Variants in GPC5 observed in about 807,000 individuals in gnomAD.
GPC5 encodes glypican-5.
GPC5 carries 47 observed loss-of-function variants against 53.9 expected under a neutral mutation model. That is an observed-to-expected ratio of 0.87 (90% CI 0.69 to 1.11). The LOEUF is 1.11. GPC5 is among the 50% of genes most tolerant of loss of function. The pLI, the probability that GPC5 is intolerant of heterozygous loss-of-function variation, is 0.00. For missense variants in GPC5, 748 were observed against 713.1 expected (o/e 1.05, Z -0.56); for synonymous variants, 286 against 263.3 (o/e 1.09, Z -0.84).
intron 6 of GPC5, among the ~76,000 whole-genome samples, chr13:92,120,246 A>C (rs9301779): frequency 0.52 from 79,257 of 151,998 alleles, 21,834 homozygotes; most frequent in African/African-American, 0.7. Context: ...TCTTCCTTTG[A>C]AGAAGTGCCT....
At chr13:91,411,701 T>C (rs9589219) in intron 1 of GPC5, among the ~76,000 whole-genome samples, 12,155 of 152,248 alleles carry the variant, frequency 0.08, 1,128 homozygotes, top group African/African-American at 0.23. Context: ...TCACCTCGGT[T>C]ATTAGCTAGG....
At chr13:92,121,355 C>G (rs752415330) in intron 6 of GPC5, among the ~76,000 whole-genome samples, 24 of 152,188 alleles carry the variant, frequency 1.6e-4, no homozygotes, top group Non-Finnish European at 3.1e-4. Context: ...GATGCTGTAA[C>G]TCACTTCTGC....
chr13:92,500,541 A>G (rs925702259), intron 7 of GPC5, among the ~76,000 whole-genome samples: 1 of 152,192 alleles, frequency 6.6e-6, no homozygotes, highest in Non-Finnish European at 1.5e-5. Flanking sequence ...TAGCTCAAAG[A>G]GGATTAGGCT....
intron 7 of GPC5, among the ~76,000 whole-genome samples, chr13:92,707,746 T>C (rs1887999513): frequency 6.6e-6 from 1 of 151,814 alleles, no homozygotes; most frequent in Non-Finnish European, 1.5e-5. Flanking sequence ...TCCTACAAAA[T>C]ATACAGTATA....
At chr13:91,655,607 A>G (rs760325086) in intron 2 of GPC5, among the ~76,000 whole-genome samples, 68 of 152,068 alleles carry the variant, frequency 4.5e-4, no homozygotes, top group Non-Finnish European at 1.8e-4. Flanking sequence ...TAGACTTTAT[A>G]ATGTGTACTC....
chr13:92,461,692 T>A (rs1407320591), intron 7 of GPC5, among the ~76,000 whole-genome samples: 1 of 152,186 alleles, frequency 6.6e-6, no homozygotes, highest in Non-Finnish European at 1.5e-5. Flanking sequence ...AGAGCTTGCC[T>A]CCTTTCTCTG....
chr13:92,770,986 G>A (rs1875591629), intron 7 of GPC5, among the ~76,000 whole-genome samples: 1 of 152,050 alleles, frequency 6.6e-6, no homozygotes, highest in African/African-American at 2.4e-5. Context: ...CCACTGACAC[G>A]AGGATATGGG....
At chr13:92,415,968 CATG>C (rs1184813049) in intron 7 of GPC5, among the ~76,000 whole-genome samples, 1 of 152,048 alleles carries the variant, frequency 6.6e-6, no homozygotes, top group Non-Finnish European at 1.5e-5. Context: ...CAGATGAAGA[CATG>C]AAGAAAACAA....
intron 1 of GPC5, among the ~76,000 whole-genome samples, chr13:91,436,362 G>A (rs935321374): frequency 1.3e-5 from 2 of 151,650 alleles, no homozygotes; most frequent in African/African-American, 4.8e-5. Context: ...CTTTGAATGT[G>A]TCCCAGAGAT....
intron 6 of GPC5, among the ~76,000 whole-genome samples, chr13:92,139,534 G>T (rs1473909072): frequency 6.6e-6 from 1 of 152,044 alleles, no homozygotes; most frequent in African/African-American, 2.4e-5. Context: ...AGACATGGTG[G>T]CATGCGCCTG....
intron 6 of GPC5, among the ~76,000 whole-genome samples, chr13:92,053,951 G>A (rs1206966864): frequency 6.6e-6 from 1 of 151,842 alleles, no homozygotes; most frequent in Non-Finnish European, 1.5e-5. Flanking sequence ...AGAATCACTT[G>A]AACCCGGGAG....
chr13:92,343,998 T>C (rs866902448), intron 7 of GPC5, among the ~76,000 whole-genome samples: 17 of 152,224 alleles, frequency 1.1e-4, no homozygotes, highest in Non-Finnish European at 1.8e-4. Context: ...TAATTTTTAA[T>C]TGTTGTTTTC....
intron 7 of GPC5, among the ~76,000 whole-genome samples, chr13:92,188,841 G>A (rs1026882183): frequency 1.3e-5 from 2 of 152,150 alleles, no homozygotes; most frequent in Non-Finnish European, 2.9e-5. Context: ...CATGCCACCC[G>A]ACAGCAGGTG....
intron 7 of GPC5, among the ~76,000 whole-genome samples, chr13:92,274,735 C>T (rs2042863550): frequency 6.6e-6 from 1 of 152,224 alleles, no homozygotes; most frequent in Admixed American, 6.5e-5. Flanking sequence ...CTTGCTTCAT[C>T]AAAGCGTATG....
chr13:91,477,035 C>T (rs1882970215), intron 2 of GPC5, among the ~76,000 whole-genome samples: 1 of 152,100 alleles, frequency 6.6e-6, no homozygotes, highest in Non-Finnish European at 1.5e-5. Flanking sequence ...ATCACTCCAT[C>T]CTCCTGTGGC....
intron 6 of GPC5, among the ~76,000 whole-genome samples, chr13:92,058,305 G>T (rs953373268): frequency 6.6e-6 from 1 of 152,176 alleles, no homozygotes; most frequent in Admixed American, 6.5e-5. Flanking sequence ...GGAATTAGAA[G>T]TGTAAGCCAC....
At chr13:92,782,947 G>T (rs954037270) in intron 7 of GPC5, among the ~76,000 whole-genome samples, 1 of 152,074 alleles carries the variant, frequency 6.6e-6, no homozygotes, top group Non-Finnish European at 1.5e-5. Context: ...AACTAGTCAA[G>T]GTATTTGCTT....
At chr13:91,487,300 G>A (rs1027313684) in intron 2 of GPC5, among the ~76,000 whole-genome samples, 5 of 152,102 alleles carry the variant, frequency 3.3e-5, no homozygotes, top group Non-Finnish European at 7.4e-5. Flanking sequence ...AGTAATAGAT[G>A]GTTAGTAGGG....
intron 4 of GPC5, among the ~76,000 whole-genome samples, chr13:91,750,329 A>C (rs901133879): frequency 6.6e-6 from 1 of 152,206 alleles, no homozygotes; most frequent in Admixed American, 6.5e-5. Context: ...ATTTCTGTGT[A>C]CTAGAGATAG....
Sources: gnomAD v4.1 joint callset for allele counts (sites outside exome capture counted in the v4.1 genomes callset) on GRCh38, gnomAD v4.1.1 for gene constraint, MANE v1.5 for transcripts, NCBI Gene and HGNC (gene_info 2026-07-23, HGNC 2026-07-21) for gene names.